Variants in EFCAB6 observed in about 807,000 individuals in gnomAD.
EFCAB6 encodes EF-hand calcium-binding domain-containing protein 6.
A neutral mutation model predicts 169.8 loss-of-function variants in EFCAB6; 156 were observed. The ratio of observed to expected loss-of-function variants is 0.92; its 90% CI spans 0.81 to 1.05. The LOEUF is 1.05. EFCAB6 is among the 50% of genes least tolerant of loss of function. The pLI is 0.00. For missense variants in EFCAB6, 1,800 were observed against 1,829.1 expected (o/e 0.98, Z 0.29); for synonymous variants, 698 against 676.4 (o/e 1.03, Z -0.50).
At chr22:43,531,184 C>T (rs2047041979) in intron 30 of EFCAB6, among the ~76,000 whole-genome samples, 1 of 152,194 alleles carries the variant, frequency 6.6e-6, no homozygotes, top group African/African-American at 2.4e-5. Context: ...ACGTGTATTA[C>T]ATCAGCCATC....
Position 43,537,982 on chromosome 22 carries a change from G to A in EFCAB6, c.3880-437C>T, listed in dbSNP as rs1485112763. On this transcript the variant is annotated intron_variant, in intron 28 of 31. Transcript: ENST00000262726. The surrounding 1 kb of genome is among the most constrained non-coding windows in gnomAD (Gnocchi z 4.3). ...GTTATTTAGACATTATGTGGATCAAGTACGAGGCTGTTCTTTGCTTTATTG... is the reference window on the plus strand; with the variant it reads ...GTTATTTAGACATTATGTGGATCAAATACGAGGCTGTTCTTTGCTTTATTG... Among the ~76,000 whole-genome samples the A allele has an allele frequency of 6.6e-6, 1 of 152,208 alleles. No homozygotes were observed. Among genetic ancestry groups the A allele is most frequent in the Non-Finnish European group, 1.5e-5 (1 of 68,038 alleles).
intron 6 of EFCAB6, among the ~76,000 whole-genome samples, chr22:43,748,330 G>A (rs1054526799): frequency 5.9e-5 from 9 of 152,180 alleles, no homozygotes; most frequent in African/African-American, 1.9e-4. Flanking sequence ...AAACTGATCT[G>A]TCCCAACTTG....
At chr22:43,758,082 T>C (rs1055726064) in intron 5 of EFCAB6, among the ~76,000 whole-genome samples, 5 of 152,026 alleles carry the variant, frequency 3.3e-5, no homozygotes, top group African/African-American at 1.2e-4. Context: ...GAAATTAATG[T>C]AGTTACACTT....
intron 17 of EFCAB6, among the ~76,000 whole-genome samples, chr22:43,666,691 GTTTTTTTT>G (rs137764): frequency 1.3e-5 from 1 of 77,886 alleles, no homozygotes; most frequent in East Asian, 4.4e-4. Flanking sequence ...CTGCCAGATT[GTTTTTTTT>G]TTTTTTTTTT....
intron 26 of EFCAB6, among the ~76,000 whole-genome samples, chr22:43,570,366 C>T (rs896389071): frequency 8.5e-5 from 13 of 152,206 alleles, no homozygotes; most frequent in Non-Finnish European, 1.5e-4. Context: ...TATTTCTGCA[C>T]TGAGTGTTAT....
At chr22:43,801,247 A>C (rs952084279) in intron 2 of EFCAB6, among the ~76,000 whole-genome samples, 4 of 152,326 alleles carry the variant, frequency 2.6e-5, no homozygotes, top group South Asian at 2.1e-4. Flanking sequence ...TATCCTTCAA[A>C]TATGAAGAAC....
chr22:43,685,374 C>T (rs749679192), intron 11 of EFCAB6, among the ~76,000 whole-genome samples: 1 of 152,048 alleles, frequency 6.6e-6, no homozygotes, highest in Non-Finnish European at 1.5e-5. Flanking sequence ...TCAGTGTTGG[C>T]GAGCACCATC....
Position 43,752,143 on chromosome 22 carries a change from A to C in EFCAB6, c.507+3623T>G, listed in dbSNP as rs899758728. Among the ~76,000 whole-genome samples, 5 of 130,856 alleles carry C rather than the reference A, an allele frequency of 3.8e-5. No homozygotes were observed. In the Admixed American group the frequency reaches 4.2e-4, roughly 11 times the overall value. The allele number at this position is 130,856 out of a possible 152,430, so 85.8% of individuals were successfully genotyped here. A position where few individuals can be genotyped will look rare whatever the true frequency, so the allele number is the denominator to read the frequency against. The stretch of plus-strand genomic sequence containing the variant: ...TTTTTTTTTTTTTTTTTTGAGATAG[A>C]GTCTCCCTCTGTTGCCCAGGCTGGA... On this transcript the variant is annotated intron_variant, in intron 6 of 31. Transcript: ENST00000262726.
Position 43,626,530 on chromosome 22 carries a change from A to T in EFCAB6, c.2382T>A (p.Ser794Arg), listed in dbSNP as rs2054535731. The T allele has an allele frequency of 6.2e-7, 1 of 1,614,192 alleles. No homozygotes were observed. Among genetic ancestry groups the T allele is most frequent in the African/African-American group, 1.3e-5 (1 of 75,038 alleles). Residue 794 changes from serine (S) to arginine (R), a missense_variant, in exon 20 of 32, where the codon AGT becomes AGA. Coordinates refer to ENST00000262726, the MANE Select transcript of EFCAB6 (RefSeq NM_022785.4). ...GAAATTCCCGAAAATTTAAAGTGAC[A>T]CTAAGTCTCAAGCCAAGAAGGCCAA... Reference protein sequence around the residue: ...RFLGLLGLRLSVTLNFREFQN... With the variant: ...RFLGLLGLRLRVTLNFREFQN...
intron 20 of EFCAB6, among the ~76,000 whole-genome samples, chr22:43,617,524 T>A (rs2147738152): frequency 6.6e-6 from 1 of 152,368 alleles, no homozygotes; most frequent in South Asian, 2.1e-4. Context: ...TGATTTTCCA[T>A]CCATTTTCCC....
At chr22:43,802,266 A>G (rs113375670) in intron 2 of EFCAB6, among the ~76,000 whole-genome samples, 5,317 of 152,286 alleles carry the variant, frequency 0.035, 92 homozygotes, top group Non-Finnish European at 0.047. Flanking sequence ...TGGGTGGCTC[A>G]CGCCTGTAAT....
intron 17 of EFCAB6, among the ~76,000 whole-genome samples, chr22:43,647,137 T>A (rs1296090609): frequency 1.5e-5 from 2 of 131,568 alleles, no homozygotes; most frequent in Non-Finnish European, 3.0e-5. Flanking sequence ...TCTAAAAACA[T>A]TCTATACAAA....
intron 13 of EFCAB6, among the ~76,000 whole-genome samples, chr22:43,676,233 T>C (rs1023692008): frequency 5.9e-5 from 9 of 151,756 alleles, no homozygotes; most frequent in Non-Finnish European, 1.2e-4. Flanking sequence ...CTGGCTAACA[T>C]GGTGAAACCC....
chr22:43,746,349 A>T (rs578070457), intron 6 of EFCAB6, among the ~76,000 whole-genome samples: 1 of 152,356 alleles, frequency 6.6e-6, no homozygotes, highest in South Asian at 2.1e-4. Context: ...TGACCCCGAA[A>T]AAATGAGCTA....
intron 7 of EFCAB6, among the ~76,000 whole-genome samples, chr22:43,734,590 G>A (rs1248556839): frequency 6.6e-6 from 1 of 152,128 alleles, no homozygotes; most frequent in Non-Finnish European, 1.5e-5. Flanking sequence ...TTTTAGAAGA[G>A]TGCTGCCTCT....
rs535161962 is a variant in EFCAB6 at position 43,749,517 on chromosome 22, G to GA, written c.507+6248dup. On this transcript the variant is annotated intron_variant, in intron 6 of 31. Coordinates refer to ENST00000262726, the MANE Select transcript of EFCAB6 (RefSeq NM_022785.4). Reference sequence around the variant, plus strand: ...ACCTCAGACCATCAGACACTAGTTAGATGGTTCTCATAAGGAGCGTGCAAC... The same window carrying GA: ...ACCTCAGACCATCAGACACTAGTTAGAATGGTTCTCATAAGGAGCGTGCAAC... 2.1e-3 allele frequency among the ~76,000 whole-genome samples: 314 copies of GA among 152,250 alleles called. 1 individual carries two copies. The highest frequency in any genetic ancestry group is 7.3e-3 in the African/African-American group (305 of 41,520).
intron 10 of EFCAB6, among the ~76,000 whole-genome samples, chr22:43,708,641 T>G (rs2059046377): frequency 6.6e-6 from 1 of 151,350 alleles, no homozygotes; most frequent in African/African-American, 2.4e-5. Flanking sequence ...AATAAAAGAG[T>G]AAAAAGTTGG....
intron 27 of EFCAB6, chr22:43,552,353 T>A (rs2048430401): frequency 6.6e-6 from 1 of 152,226 alleles, no homozygotes. Context: ...TATTACTGCC[T>A]CTAGGTCTTT....
chr22:43,575,362 T>A (rs1238436521), intron 26 of EFCAB6, among the ~76,000 whole-genome samples: 2 of 140,058 alleles, frequency 1.4e-5, no homozygotes, highest in African/African-American at 5.3e-5. Flanking sequence ...GGCTATGTTT[T>A]TTTTTTTTTT....
Sources: allele counts gnomAD v4.1 joint callset (sites outside exome capture counted in the v4.1 genomes callset), GRCh38; gene constraint gnomAD v4.1.1; non-coding constraint Gnocchi (gnomAD v3.1); transcripts MANE v1.5; gene names NCBI Gene and HGNC (gene_info 2026-07-23, HGNC 2026-07-21).